NEK10: variants seen among roughly 807,000 people sequenced by gnomAD.
NEK10 encodes serine/threonine-protein kinase Nek10.
A neutral mutation model predicts 159.8 loss-of-function variants in NEK10; 122 were observed. The observed-to-expected ratio is 0.76, with a 90% CI of 0.66 to 0.89. The LOEUF (loss-of-function observed/expected upper bound fraction) is 0.89. NEK10 is among the 40% of genes least tolerant of loss of function. NEK10 has a pLI of 0.00. For missense variants in NEK10, 1,342 were observed against 1,323.1 expected (o/e 1.01, Z -0.22); for synonymous variants, 466 against 457.1 (o/e 1.02, Z -0.25).
rs199684384 is a variant in NEK10, at chr3:27,291,217, G to A, written c.1605+45C>T. On this transcript the variant is annotated intron_variant, in intron 18 of 35. Transcript: ENST00000691995. ...ATATCGGTGTGCAAGTGTGACATCCGGTTTGGTTGGGAGTATCAGAAATGT... is the reference window on the plus strand; with the variant it reads ...ATATCGGTGTGCAAGTGTGACATCCAGTTTGGTTGGGAGTATCAGAAATGT... 300 of 1,574,526 alleles carry A rather than the reference G, an allele frequency of 1.9e-4. No homozygotes were observed. In the African/African-American group the frequency reaches 2.7e-3, roughly 14 times the overall value.
chr3:27,287,089 C>T (rs962505749), intron 20 of NEK10, among the ~76,000 whole-genome samples: 1 of 145,154 alleles, frequency 6.9e-6, no homozygotes, highest in African/African-American at 2.6e-5. Flanking sequence ...TGACACATAT[C>T]ATTAAAGCTT....
chr3:27,116,039 A>G (rs1308340066), intron 34 of NEK10, 36 bp downstream of exon 34: 2 of 1,612,668 alleles, frequency 1.2e-6, no homozygotes, highest in Non-Finnish European at 1.7e-6. Context: ...AGAAGTAACA[A>G]AATAAAATCA....
chr3:27,167,348 C>T (rs1004619324), intron 29 of NEK10, among the ~76,000 whole-genome samples: 1 of 152,054 alleles, frequency 6.6e-6, no homozygotes, highest in Admixed American at 6.5e-5. Flanking sequence ...CTGGAGAATG[C>T]AAAGATGAAT....
At chr3:27,168,021 T>A (rs1416696953) in intron 29 of NEK10, among the ~76,000 whole-genome samples, 2 of 152,336 alleles carry the variant, frequency 1.3e-5, no homozygotes, top group South Asian at 2.1e-4. Context: ...TCCTGATATC[T>A]GATATCTGAC....
chr3:27,181,173 A>G (rs919619048), intron 26 of NEK10, among the ~76,000 whole-genome samples: 1 of 152,126 alleles, frequency 6.6e-6, no homozygotes, highest in African/African-American at 2.4e-5. Flanking sequence ...ATGCAGTCAA[A>G]AATCTATGTA....
intron 26 of NEK10, among the ~76,000 whole-genome samples, chr3:27,188,103 T>G (rs1041901780): frequency 6.6e-6 from 1 of 152,218 alleles, no homozygotes; most frequent in Non-Finnish European, 1.5e-5. Flanking sequence ...TGATTCTTAG[T>G]ATTAAGTGAG....
intron 1 of NEK10, among the ~76,000 whole-genome samples, chr3:27,361,828 TAAC>T (rs2048705475): frequency 6.6e-6 from 1 of 152,130 alleles, no homozygotes; most frequent in Non-Finnish European, 1.5e-5. Flanking sequence ...TTTCATCTAA[TAAC>T]ATTTTATTTC....
chr3:27,366,093 A>ATTTG (rs2049062712), intron 1 of NEK10, among the ~76,000 whole-genome samples: 2 of 152,310 alleles, frequency 1.3e-5, no homozygotes, highest in Non-Finnish European at 2.9e-5. Context: ...TGTTCCAAAT[A>ATTTG]GAACACAATA....
At chr3:27,236,544 A>T (rs531703235) in intron 23 of NEK10, among the ~76,000 whole-genome samples, 1 of 152,278 alleles carries the variant, frequency 6.6e-6, no homozygotes, top group South Asian at 2.1e-4. Flanking sequence ...TCTGAGAAAT[A>T]AAGAGAAAGA....
chr3:27,243,879 C>G (rs888246506), intron 23 of NEK10, among the ~76,000 whole-genome samples: 1 of 151,234 alleles, frequency 6.6e-6, no homozygotes, highest in African/African-American at 2.4e-5. Context: ...GTGTCCGTGT[C>G]CCCAAATTAA....
At chr3:27,184,085 T>C (rs1948387577) in intron 26 of NEK10, among the ~76,000 whole-genome samples, 1 of 152,216 alleles carries the variant, frequency 6.6e-6, no homozygotes, top group South Asian at 2.1e-4. Context: ...TCTAGGTCTT[T>C]ATCTAAGAGA....
At chr3:27,116,642 TTTA>T (rs1293640419) in intron 33 of NEK10, among the ~76,000 whole-genome samples, 1 of 151,994 alleles carries the variant, frequency 6.6e-6, no homozygotes, top group Non-Finnish European at 1.5e-5. Flanking sequence ...TTTTAAAATG[TTTA>T]TTATTACTAT....
intron 22 of NEK10, among the ~76,000 whole-genome samples, chr3:27,263,646 G>A (rs138613797): frequency 0.03 from 4,537 of 152,282 alleles, 104 homozygotes; most frequent in Non-Finnish European, 0.05. Flanking sequence ...CTGGTGTGGC[G>A]TTTGCTAAGA....
At chr3:27,319,044 C>T (rs146272752) in intron 6 of NEK10, among the ~76,000 whole-genome samples, 160 of 152,228 alleles carry the variant, frequency 1.1e-3, no homozygotes, top group African/African-American at 2.9e-3. Context: ...AAAGAGAAAA[C>T]GTGGTACAGT....
At chr3:27,198,074 C>T (rs149737913) in intron 25 of NEK10, among the ~76,000 whole-genome samples, 104 of 152,140 alleles carry the variant, frequency 6.8e-4, no homozygotes, top group African/African-American at 2.4e-3. Context: ...TACAGCTAAC[C>T]AGTAAAAGAG....
intron 1 of NEK10, among the ~76,000 whole-genome samples, chr3:27,356,464 G>T (rs1575908977): frequency 6.6e-6 from 1 of 152,242 alleles, no homozygotes; most frequent in East Asian, 1.9e-4. Flanking sequence ...GAGCCCTCAT[G>T]GTGTTACTGC....
At chr3:27,210,149 A>G (rs1484281339) in intron 23 of NEK10, among the ~76,000 whole-genome samples, 1 of 152,184 alleles carries the variant, frequency 6.6e-6, no homozygotes, top group African/African-American at 2.4e-5. Flanking sequence ...AATACCTGAA[A>G]CTAGACAATT....
At chr3:27,215,746 T>C (rs1951452983) in intron 23 of NEK10, 2 of 712,308 alleles carry the variant, frequency 2.8e-6, no homozygotes, top group Admixed American at 2.0e-5. Flanking sequence ...CTGCAGGCTG[T>C]ACAGGAACCA....
chr3:27,190,343 G>C (rs915155063), intron 26 of NEK10, among the ~76,000 whole-genome samples: 1 of 152,130 alleles, frequency 6.6e-6, no homozygotes, highest in Non-Finnish European at 1.5e-5. Context: ...TATGGTATCT[G>C]GGATTTACTT....
Sources: gnomAD v4.1 joint callset for allele counts (sites outside exome capture counted in the v4.1 genomes callset) on GRCh38, gnomAD v4.1.1 for gene constraint, MANE v1.5 for transcripts, NCBI Gene and HGNC (gene_info 2026-07-23, HGNC 2026-07-21) for gene names.